TM7SF2: variants seen among roughly 807,000 people sequenced by gnomAD.
TM7SF2 encodes transmembrane 7 superfamily member 2.
A neutral mutation model predicts 51.0 loss-of-function variants in TM7SF2; 51 were observed. The ratio of observed to expected loss-of-function variants is 1.00; its 90% CI spans 0.80 to 1.26. The LOEUF (loss-of-function observed/expected upper bound fraction) is 1.26, where lower values mean the gene tolerates loss of function less well. Ranked by LOEUF, TM7SF2 falls within the 50% of genes most tolerant of loss-of-function variation. The pLI is 0.00. For missense variants in TM7SF2, 541 were observed against 547.4 expected, an observed-to-expected ratio of 0.99 and a Z score of 0.12; for synonymous variants, 255 against 241.0, an observed-to-expected ratio of 1.06 and a Z score of -0.54.
intron 3 of TM7SF2, 149 bp downstream of exon 3, chr11:65,113,014 A>G (rs1003343870): frequency 9.1e-7 from 1 of 1,098,714 alleles, no homozygotes; most frequent in Non-Finnish European, 1.3e-6. Context: ...GGCTCTCCCT[A>G]TGCCCCTCGT....
intron 7 of TM7SF2, 70 bp downstream of exon 7, chr11:65,115,151 C>G (rs764928802): frequency 9.4e-6 from 15 of 1,597,252 alleles, no homozygotes; most frequent in African/African-American, 1.3e-5. Flanking sequence ...TCTGTTTACA[C>G]GCACCACCAC....
rs760320100 is a variant in TM7SF2 at position 65,112,054 on chromosome 11, C to T, written c.39C>T (p.Phe13=). The change falls in exon 1 of 10, where the codon TTC becomes TTT. Residue 13 remains phenylalanine, a synonymous_variant. Coordinates refer to ENST00000279263, the MANE Select transcript of TM7SF2 (RefSeq NM_003273.6). ...PTQGPRAPLE[F]GGPLGAAALL... is the part of the protein sequence containing the mutation. ...AGGGCCCCCGGGCCCCGCTGGAATT[C>T]GGAGGGCCCCTGGGTAATGGGGCAG... The T allele has an allele frequency of 3.8e-6, 6 of 1,597,706 alleles. No individual in the cohort carries two copies. Among genetic ancestry groups the T allele is most frequent in the Non-Finnish European group, 4.3e-6 (5 of 1,173,960 alleles).
chr11:65,115,504 G>C lies in TM7SF2; in HGVS notation c.1002G>C (p.Gly334=). The C allele has an allele frequency of 6.2e-7, 1 of 1,614,156 alleles. No individual in the cohort carries two copies. The highest frequency in any genetic ancestry group is 8.5e-7 in the Non-Finnish European group (1 of 1,180,020). Residue 334 remains glycine (G), a synonymous_variant, in exon 9 of 10, where the codon GGG becomes GGC. Transcript: ENST00000279263. ...AGLETISTAT[G]RKLLVSGWWG... ...TTGAGACCATCTCTACAGCCACAGG[G>C]CGGAAACTGCTGGTGTCTGGGTGGT...
In TM7SF2 at chr11:65,115,109, G is replaced by A. The variant is rs755015801; in HGVS notation, c.892+28G>A. On this transcript the variant is annotated intron_variant, in intron 7 of 9. Coordinates refer to ENST00000279263, the MANE Select transcript of TM7SF2 (RefSeq NM_003273.6). ...CAGTCAGGAAGGGGCAGCAGGCTGG[G>A]CCCATCTTCCCCCTATCCCTTTGAT... 5.6e-6 allele frequency: 9 copies of A among 1,608,712 alleles called. No individual in the cohort carries two copies. The South Asian group carries it at 9.9e-5, about 18-fold the overall frequency.
Position 65,115,251 on chromosome 11 carries a change from T to C in TM7SF2, c.893-63T>C, listed in dbSNP as rs1947962427. On this transcript the variant is annotated intron_variant, in intron 7 of 9. Coordinates refer to ENST00000279263, the MANE Select transcript of TM7SF2 (RefSeq NM_003273.6). ...GGGCTGCAGACAAGTTGGGCAGATG[T>C]TCGGGGTCAGGCAGGAGGCTGCAAC... 3.1e-6 allele frequency: 5 copies of C among 1,601,168 alleles called. No individual in the cohort carries two copies. In the African/African-American group the frequency reaches 6.7e-5, roughly 21 times the overall value.
At chr11:65,114,534 A>T (rs1458786746) in intron 5 of TM7SF2, 179 bp from the exon 6 acceptor site, 2 of 717,434 alleles carry the variant, frequency 2.8e-6, no homozygotes, top group Non-Finnish European at 4.5e-6. Flanking sequence ...AGGACAGACA[A>T]GGCAAGAAGA....
At chr11:65,113,989 T>G (rs1419058284) in intron 5 of TM7SF2, among the ~76,000 whole-genome samples, 1 of 152,188 alleles carries the variant, frequency 6.6e-6, no homozygotes, top group Admixed American at 6.5e-5. Flanking sequence ...GTTAGCAACC[T>G]ACCCGTCACT....
Position 65,116,114 on chromosome 11 carries a change from C to G in TM7SF2, c.*61C>G, listed in dbSNP as rs986391527. On this transcript the variant is annotated 3_prime_UTR_variant, in exon 10 of 10. Coordinates refer to ENST00000279263, the MANE Select transcript of TM7SF2 (RefSeq NM_003273.6). ...ACTCATCCACCAGCACACCCAGGAC[C>G]AGGAGCCTCGACACACTTGGGACTC... 2.6e-6 allele frequency: 4 copies of G among 1,561,784 alleles called. No individual in the cohort carries two copies. In the African/African-American group the frequency reaches 5.4e-5, roughly 21 times the overall value.
Position 65,113,269 on chromosome 11 carries a change from A to C in TM7SF2, c.354A>C (p.Ser118=). The C allele has an allele frequency of 6.2e-7, 1 of 1,608,544 alleles. No homozygotes were observed. Among genetic ancestry groups the C allele is most frequent in the Non-Finnish European group, 8.5e-7 (1 of 1,179,946 alleles). The change falls in exon 4 of 10, where the codon TCA becomes TCC. Residue 118 remains serine (S), a synonymous_variant. Transcript: ENST00000279263. ...CCCTGTTGGTGGGGCTGGGGATGTCAGCGGGGCTGCCTCTGGGGGCGCTCC... is the reference window on the plus strand; with the variant it reads ...CCCTGTTGGTGGGGCTGGGGATGTCCGCGGGGCTGCCTCTGGGGGCGCTCC... ...LTALLVGLGM[S]AGLPLGALPE...
Position 65,111,998 on chromosome 11 carries a change from T to C in TM7SF2, c.-18T>C. On this transcript the variant is annotated 5_prime_UTR_variant, in exon 1 of 10. Transcript: ENST00000279263. ...CTGACTATTGTGAGCGCCCTCTCTC[T>C]CCGGCGGAGCGGAGACCATGGCCCC... 6.3e-7 allele frequency: 1 copy of C among 1,576,714 alleles called. No individual in the cohort carries two copies. The highest frequency in any genetic ancestry group is 8.6e-7 in the Non-Finnish European group (1 of 1,161,764).
Position 65,112,856 on chromosome 11 carries a change from C to T in TM7SF2, c.295C>T (p.Pro99Ser). ...ELKDKSRLRYPINGFQALVLT... is the reference protein window; with the variant it reads ...ELKDKSRLRYSINGFQALVLT... ...GAAGGACAAGAGTCGCCTGCGCTAT[C>T]CTATTAACGGTGCCTAGGGGACGGG... Residue 99 changes from proline (P) to serine (S), a missense_variant, in exon 3 of 10, where the codon CCT becomes TCT. Coordinates refer to ENST00000279263, the MANE Select transcript of TM7SF2 (RefSeq NM_003273.6). The T allele has an allele frequency of 1.3e-6, 2 of 1,550,816 alleles. No homozygotes were observed. Among genetic ancestry groups the T allele is most frequent in the South Asian group, 1.2e-5 (1 of 84,104 alleles).
chr11:65,112,603 A>C lies in TM7SF2; in HGVS notation c.141A>C (p.Pro47=). The change falls in exon 2 of 10, where the codon CCA becomes CCC. Residue 47 remains proline, a synonymous_variant. Transcript: ENST00000279263. ...CGGGCCCCGCGCGCCTGCTGGGTCC[A>C]CCCGCGTCCCTGCCGGGGCTGGAGG... ...ARSGPARLLG[P]PASLPGLEVL... The C allele has an allele frequency of 6.6e-7, 1 of 1,518,238 alleles. No homozygotes were observed. The highest frequency in any genetic ancestry group is 8.8e-7 in the Non-Finnish European group (1 of 1,139,250). The allele number at this position is 1,518,238 out of a possible 1,614,324, so 94.0% of individuals were successfully genotyped here. A position where few individuals can be genotyped will look rare whatever the true frequency, so the allele number is the denominator to read the frequency against.
intron 5 of TM7SF2, 76 bp downstream of exon 5, chr11:65,113,670 G>A: frequency 5.4e-6 from 7 of 1,294,716 alleles, no homozygotes; most frequent in Non-Finnish European, 7.8e-6. Context: ...GGGCAGGGCA[G>A]GGCCAAAACT....
chr11:65,115,858 C>T (rs779236284), intron 9 of TM7SF2, 35 bp from the exon 10 acceptor site: 8 of 1,613,852 alleles, frequency 5.0e-6, no homozygotes, highest in Middle Eastern at 3.3e-4. Flanking sequence ...GGTGGAGGGG[C>T]CGGCAGGGTG....
At chr11:65,115,832 C>T in intron 9 of TM7SF2, 61 bp from the exon 10 acceptor site, 2 of 1,612,598 alleles carry the variant, frequency 1.2e-6, no homozygotes, top group South Asian at 2.2e-5. Context: ...GGTGTGGAAA[C>T]GTTTGTGAAC....
rs527954689 is a variant in TM7SF2, at chr11:65,112,983, AC to A, written c.304+119del. On this transcript the variant is annotated intron_variant, in intron 3 of 9. Coordinates refer to ENST00000279263, the MANE Select transcript of TM7SF2 (RefSeq NM_003273.6). ...CCAGGCTCCTTTGTGTGCCTCTGTT[AC>A]GCCCAGGACAGACGCCGGGGGCTCT... 1.4e-4 allele frequency: 174 copies of A among 1,287,252 alleles called. No individual in the cohort carries two copies. The African/African-American group carries it at 2.3e-3, about 17-fold the overall frequency. The allele number at this position is 1,287,252 out of a possible 1,614,324, so 79.7% of individuals were successfully genotyped here. A position where few individuals can be genotyped will look rare whatever the true frequency, so the allele number is the denominator to read the frequency against.
In TM7SF2 at chr11:65,112,638, G is replaced by A; in HGVS notation, c.176G>A (p.Ser59Asn). ...ASLPGLEVLWSPRALLLWLAW... is the reference protein window; with the variant it reads ...ASLPGLEVLWNPRALLLWLAW... ...CTGCCGGGGCTGGAGGTGCTGTGGA[G>A]CCCACGGGCGCTGCTGCTGTGGCTC... The change falls in exon 2 of 10, where the codon AGC becomes AAC. Residue 59 changes from serine (S) to asparagine (N), a missense_variant. Transcript: ENST00000279263. 1 of 1,535,266 alleles carries A rather than the reference G, an allele frequency of 6.5e-7. No homozygotes were observed. Among genetic ancestry groups the A allele is most frequent in the Middle Eastern group, 2.2e-4 (1 of 4,508 alleles).
At position 65,112,140 on chromosome 11, in the gene TM7SF2, G is replaced by A. The variant is rs1013550767; in HGVS notation, c.52+73G>A. ...GAGCTGGAGCGGGTGAACTAAGAGC[G>A]GGGGCGAGATCTGAGGATGGAAGGC... is the stretch of plus-strand genomic sequence containing the variant. On this transcript the variant is annotated intron_variant, in intron 1 of 9. Coordinates refer to ENST00000279263, the MANE Select transcript of TM7SF2 (RefSeq NM_003273.6). 2.0e-6 allele frequency: 3 copies of A among 1,464,492 alleles called. No individual in the cohort carries two copies. In the South Asian group the frequency reaches 3.7e-5, roughly 18 times the overall value. The allele number at this position is 1,464,492 out of a possible 1,614,324, so 90.7% of individuals were successfully genotyped here.
In TM7SF2 at chr11:65,115,983, A is replaced by G; in HGVS notation, c.1187A>G (p.Gln396Arg). The change falls in exon 10 of 10, where the codon CAG (glutamine) becomes CGG (arginine). Residue 396 changes from glutamine to arginine, a missense_variant. Gln to Arg is a conservative substitution (Grantham distance 43, BLOSUM62 1). Coordinates refer to ENST00000279263, the MANE Select transcript of TM7SF2 (RefSeq NM_003273.6). The stretch of plus-strand genomic sequence containing the variant: ...GCCCGGGATGAGCGGCAGTGCCTGC[A>G]GAAGTACGGCCTGGCCTGGCAGGAG... The part of the protein sequence containing the change: ...REARDERQCL[Q>R]KYGLAWQEYC... 1.2e-6 allele frequency: 2 copies of G among 1,613,550 alleles called. No homozygotes were observed. The highest frequency in any genetic ancestry group is 8.5e-7 in the Non-Finnish European group (1 of 1,180,012).
Sources: gnomAD v4.1 joint callset for allele counts (sites outside exome capture counted in the v4.1 genomes callset) on GRCh38, gnomAD v4.1.1 for gene constraint, MANE v1.5 for transcripts, NCBI Gene and HGNC (gene_info 2026-07-23, HGNC 2026-07-21) for gene names.